Variants in GOSR2 observed in about 807,000 individuals in gnomAD.
GOSR2 encodes the protein 27 kDa Golgi SNARE protein.
GOSR2 carries 20 observed loss-of-function variants against 27.9 expected under a neutral mutation model. That is an observed-to-expected ratio of 0.72 (90% CI 0.50 to 1.04). The LOEUF is 1.04. GOSR2 is among the 50% of genes least tolerant of loss of function. GOSR2 has a pLI of 0.00. For synonymous variants in GOSR2, 91 were observed against 98.8 expected, an observed-to-expected ratio of 0.92 and a Z score of 0.47; for missense variants, 261 against 270.5, an observed-to-expected ratio of 0.97 and a Z score of 0.25.
At position 46,932,050 on chromosome 17, in the gene GOSR2, C is replaced by G. The variant is rs1202543887; in HGVS notation, c.204-17C>G. On this transcript the variant is annotated splice_polypyrimidine_tract_variant and intron_variant, in intron 3 of 5. Coordinates refer to ENST00000640051, the MANE Select transcript of GOSR2 (RefSeq NM_004287.5). ...CCTGAGTTCCTGGAATTTAATCTCT[C>G]TCTCCATCAATTCCAGTCGGGTTGA... 3.1e-6 allele frequency: 5 copies of G among 1,611,462 alleles called. No homozygotes were observed. The highest frequency in any genetic ancestry group is 4.2e-6 in the Non-Finnish European group (5 of 1,177,686).
downstream of GOSR2, among the ~76,000 whole-genome samples, chr17:46,944,268 T>A (rs1249101780): frequency 6.6e-6 from 1 of 152,244 alleles, no homozygotes. Context: ...TTGCACTGGT[T>A]ACAGCGGCCG....
At chr17:46,951,162 C>T (rs1568203052) in intron 6 of GOSR2, among the ~76,000 whole-genome samples, 2 of 152,178 alleles carry the variant, frequency 1.3e-5, no homozygotes, top group South Asian at 2.1e-4. Flanking sequence ...AACTGGCACA[C>T]GCACTGCCAG....
chr17:46,938,261 T>G (rs1490633691), intron 5 of GOSR2, among the ~76,000 whole-genome samples: 1 of 152,206 alleles, frequency 6.6e-6, no homozygotes, highest in African/African-American at 2.4e-5. Context: ...TCAAATTAAT[T>G]TTTATGTATA....
At chr17:46,930,207 T>A (rs1057080937) in intron 2 of GOSR2, 2 of 153,228 alleles carry the variant, frequency 1.3e-5, no homozygotes, top group African/African-American at 4.8e-5. Context: ...AAAGCAGCTC[T>A]GTTCTTGGTT....
intron 1 of GOSR2, among the ~76,000 whole-genome samples, chr17:46,928,158 A>G (rs2086774282): frequency 6.6e-6 from 1 of 152,002 alleles, no homozygotes; most frequent in Non-Finnish European, 1.5e-5. Context: ...AGTGATTTCT[A>G]GTTGCTTCTC....
At chr17:46,926,327 A>G (rs753135885) in intron 1 of GOSR2, among the ~76,000 whole-genome samples, 4 of 152,254 alleles carry the variant, frequency 2.6e-5, no homozygotes, top group East Asian at 1.9e-4. Flanking sequence ...TTTCATGTTC[A>G]TCATGGTCAG....
At chr17:46,954,134 G>C (rs1252758974) in intron 6 of GOSR2, among the ~76,000 whole-genome samples, 2 of 152,190 alleles carry the variant, frequency 1.3e-5, no homozygotes, top group Non-Finnish European at 2.9e-5. Flanking sequence ...GAATGGTATT[G>C]CCTAGGTTTT....
chr17:46,962,935 C>T (rs1362258623), intron 6 of GOSR2, among the ~76,000 whole-genome samples: 1 of 152,182 alleles, frequency 6.6e-6, no homozygotes, highest in Non-Finnish European at 1.5e-5. Flanking sequence ...GTGATTTAAT[C>T]CTTTCAAACA....
chr17:46,942,105 C>T (rs188117550), downstream of GOSR2: 96 of 250,286 alleles, frequency 3.8e-4, no homozygotes, highest in Middle Eastern at 2.1e-3. Flanking sequence ...CAAATCAAGT[C>T]AGTGTAGAAT....
chr17:46,941,226 T>G lies in GOSR2; in HGVS notation c.*2466T>G, dbSNP rs2089235643. On this transcript the variant is annotated 3_prime_UTR_variant, in exon 6 of 6. Coordinates refer to ENST00000640051, the MANE Select transcript of GOSR2 (RefSeq NM_004287.5). Reference sequence around the variant, plus strand: ...CAAGTAAGTTAGAGGAGTCTTGATTTTTTAGACTTCACTGCGGAGTTCTGT... The same window carrying G: ...CAAGTAAGTTAGAGGAGTCTTGATTGTTTAGACTTCACTGCGGAGTTCTGT... 1.0e-6 allele frequency: 1 copy of G among 996,174 alleles called. No homozygotes were observed. Among genetic ancestry groups the G allele is most frequent in the South Asian group, 4.4e-5 (1 of 22,574 alleles). The allele number at this position is 996,174 out of a possible 1,614,324, so 61.7% of individuals were successfully genotyped here.
chr17:46,935,652 A>G (rs2146985682), intron 5 of GOSR2: 2 of 999,996 alleles, frequency 2.0e-6, no homozygotes, highest in Non-Finnish European at 2.4e-6. Flanking sequence ...GGTTGTTTGC[A>G]GTAGATTAGA....
intron 1 of GOSR2, chr17:46,923,697 A>G: frequency 1.2e-5 from 8 of 651,670 alleles, no homozygotes; most frequent in Non-Finnish European, 1.8e-5. Context: ...TTTATGGTAC[A>G]AAGAAATTGC....
downstream of GOSR2, among the ~76,000 whole-genome samples, chr17:46,946,093 C>G (rs942495347): frequency 6.6e-6 from 1 of 151,964 alleles, no homozygotes; most frequent in Non-Finnish European, 1.5e-5. Context: ...CTTAGGCCAC[C>G]TGGGAATCAA....
chr17:46,948,072 A>G lies in GOSR2; in HGVS notation c.583+9368A>G, dbSNP rs574345046. 1.8e-4 allele frequency among the ~76,000 whole-genome samples: 26 copies of G among 145,220 alleles called. No homozygotes were observed. The East Asian group carries it at 5.5e-3, about 31-fold the overall frequency. ...AGACGTGAGCCACCGCGCCCAGCCT[A>G]GAAGTGATTTTTGTCAGGAGACAGA... On this transcript the variant is annotated intron_variant, in intron 6 of 6. Coordinates refer to the GOSR2 transcript ENST00000573224.
chr17:46,938,507 C>G (rs2045158960), intron 5 of GOSR2, 92 bp from the exon 6 acceptor site: 1 of 1,596,588 alleles, frequency 6.3e-7, no homozygotes, highest in Non-Finnish European at 8.5e-7. Flanking sequence ...AAGAGAATGT[C>G]TGTTGGCAAA....
At chr17:46,965,048 A>G (rs2091248441) in intron 6 of GOSR2, 1 of 152,184 alleles carries the variant, frequency 6.6e-6, no homozygotes, top group Non-Finnish European at 1.5e-5. Flanking sequence ...CGGTAAGTAC[A>G]TGTGTGATGG....
chr17:46,924,326 T>A (rs554313399), intron 1 of GOSR2: 1 of 153,192 alleles, frequency 6.5e-6, no homozygotes, highest in Non-Finnish European at 1.5e-5. Context: ...AATATTCCGT[T>A]TTATGTGTCT....
intron 6 of GOSR2, among the ~76,000 whole-genome samples, chr17:46,973,831 C>T (rs1444253780): frequency 2.0e-5 from 3 of 152,230 alleles, no homozygotes; most frequent in South Asian, 2.1e-4. Context: ...CATGTGTACA[C>T]GTATACCTTT....
intron 5 of GOSR2, chr17:46,936,863 T>TA (rs762898574): frequency 6.1e-6 from 6 of 980,938 alleles, no homozygotes; most frequent in East Asian, 2.3e-4. Flanking sequence ...GGCTTCTTAA[T>TA]TGCTTTCTGG....
Sources: allele counts gnomAD v4.1 joint callset (sites outside exome capture counted in the v4.1 genomes callset), GRCh38; gene constraint gnomAD v4.1.1; transcripts MANE v1.5; gene names NCBI Gene and HGNC (gene_info 2026-07-23, HGNC 2026-07-21).